Variants in RNF17 observed in about 807,000 individuals in gnomAD.
RNF17 encodes the protein spermatogenesis associated 23.
A neutral mutation model predicts 200.5 loss-of-function variants in RNF17; 31 were observed. The ratio of observed to expected loss-of-function variants is 0.15; its 90% CI spans 0.12 to 0.21. The LOEUF is 0.21. Ranked by LOEUF, RNF17 falls within the 10% of genes least tolerant of loss-of-function variation. RNF17 has a pLI of 1.00. For missense variants in RNF17, 1,628 were observed against 1,905.1 expected, an observed-to-expected ratio of 0.85 and a Z score of 2.71; for synonymous variants, 606 against 637.8, an observed-to-expected ratio of 0.95 and a Z score of 0.75.
the RNF17 span, among the ~76,000 whole-genome samples, chr13:24,749,017 G>A: frequency 6.6e-6 from 1 of 152,136 alleles, no homozygotes; most frequent in African/African-American, 2.4e-5. Flanking sequence ...GCCTCCCAAA[G>A]TGCTGGGATT....
At chr13:24,882,929 T>G, downstream of RNF17, 1 of 496,472 alleles carries the variant, frequency 2.0e-6, no homozygotes. Context: ...TGTAAAAACC[T>G]GTACACAATT....
intron 1 of RNF17, among the ~76,000 whole-genome samples, chr13:24,766,104 C>A (rs972771626): frequency 4.6e-5 from 7 of 152,194 alleles, no homozygotes; most frequent in Non-Finnish European, 7.3e-5. Context: ...CTGACGCACA[C>A]CTGTAATCTC....
At chr13:24,846,569 A>G (rs1294275634) in intron 22 of RNF17, among the ~76,000 whole-genome samples, 1 of 152,194 alleles carries the variant, frequency 6.6e-6, no homozygotes, top group Admixed American at 6.5e-5. Context: ...CAGTTATCCA[A>G]ATCACTTGGG....
intron 18 of RNF17, among the ~76,000 whole-genome samples, chr13:24,837,894 G>C (rs887942040): frequency 6.6e-6 from 1 of 152,122 alleles, no homozygotes; most frequent in South Asian, 2.1e-4. Flanking sequence ...GAAAGAAAAA[G>C]CTGGTTCTTT....
At position 24,831,453 on chromosome 13, in the gene RNF17, AC is replaced by A. The variant is rs537702926; in HGVS notation, c.2362-404del. 1.3e-3 allele frequency among the ~76,000 whole-genome samples: 199 copies of A among 152,324 alleles called. 1 individual carries two copies. Among genetic ancestry groups the A allele is most frequent in the African/African-American group, 4.5e-3 (187 of 41,574 alleles). ...CAAGACTCGGTCTCAAAGAAAAAAAACAAATGAGCAAAAGGGAGAATCACTC... is the reference window on the plus strand; with the variant it reads ...CAAGACTCGGTCTCAAAGAAAAAAAAAAATGAGCAAAAGGGAGAATCACTC... On this transcript the variant is annotated intron_variant, in intron 17 of 35. Coordinates refer to ENST00000255324, the MANE Select transcript of RNF17 (RefSeq NM_031277.3).
chr13:24,855,031 T>A (rs1342030906), intron 25 of RNF17, among the ~76,000 whole-genome samples: 2 of 152,106 alleles, frequency 1.3e-5, no homozygotes, highest in East Asian at 3.9e-4. Flanking sequence ...ACTAAACAAA[T>A]TTTTTAGGTT....
At chr13:24,794,975 T>C (rs1388385684) in intron 10 of RNF17, among the ~76,000 whole-genome samples, 1 of 152,196 alleles carries the variant, frequency 6.6e-6, no homozygotes, top group East Asian at 1.9e-4. Context: ...CTCCTTGGCC[T>C]CCCAAAGTGC....
At chr13:24,775,336 G>A (rs1881409748) in intron 3 of RNF17, among the ~76,000 whole-genome samples, 1 of 152,166 alleles carries the variant, frequency 6.6e-6, no homozygotes, top group Non-Finnish European at 1.5e-5. Flanking sequence ...TGCCGCCTCA[G>A]ACTCCTGGTC....
At chr13:24,843,158 A>G (rs1185790284) in intron 19 of RNF17, among the ~76,000 whole-genome samples, 1 of 152,164 alleles carries the variant, frequency 6.6e-6, no homozygotes. Context: ...AGGAGCTAGA[A>G]TCAGGAGCTT....
chr13:24,767,087 G>T (rs771624804), intron 1 of RNF17, among the ~76,000 whole-genome samples, 185 bp from the exon 2 acceptor site: 1 of 152,028 alleles, frequency 6.6e-6, no homozygotes, highest in African/African-American at 2.4e-5. Flanking sequence ...AAATTAGCCG[G>T]GTGTGTTGGG....
At chr13:24,882,279 T>G (rs1953885446), downstream of RNF17, 1 of 150,640 alleles carries the variant, frequency 6.6e-6, no homozygotes, top group African/African-American at 2.4e-5. Flanking sequence ...TGTACTTATA[T>G]TCTTCAAAAA....
rs764492685 is a variant in RNF17, at chr13:24,851,458, A to G, written c.3207A>G (p.Glu1069=). ...ATIILQVDSE[E]NNTTWPLPVK... is the part of the protein sequence containing the mutation. The stretch of plus-strand genomic sequence containing the variant: ...ACTCTGCTCTTAAATCACTACAGGA[A>G]AACAACACAACATGGCCATTACCTG... The change falls in exon 24 of 36, where the codon GAA becomes GAG. Residue 1069 remains glutamate, a splice_region_variant and synonymous_variant. Transcript: ENST00000255324. 2.5e-6 allele frequency: 4 copies of G among 1,607,348 alleles called. No homozygotes were observed. The highest frequency in any genetic ancestry group is 3.4e-6 in the Non-Finnish European group (4 of 1,175,332).
intron 7 of RNF17, among the ~76,000 whole-genome samples, chr13:24,788,928 GC>G (rs1238820441): frequency 1.3e-5 from 2 of 152,066 alleles, no homozygotes; most frequent in Non-Finnish European, 2.9e-5. Flanking sequence ...ACCCTACTTG[GC>G]TAGGTGTCCC....
chr13:24,881,727 C>T (rs1424601197), downstream of RNF17, among the ~76,000 whole-genome samples: 3 of 146,742 alleles, frequency 2.0e-5, no homozygotes, highest in Admixed American at 2.0e-4. Flanking sequence ...ATATATCTAT[C>T]TAGATTATCT....
chr13:24,799,373 A>C, intron 11 of RNF17, 22 bp from the exon 12 acceptor site: 1 of 1,570,766 alleles, frequency 6.4e-7, no homozygotes, highest in Non-Finnish European at 8.7e-7. Context: ...GTTTATAACG[A>C]TTTGTTTCCC....
At chr13:24,791,271 G>A (rs1837993819) in intron 9 of RNF17, among the ~76,000 whole-genome samples, 1 of 152,100 alleles carries the variant, frequency 6.6e-6, no homozygotes. Flanking sequence ...ACTGGATAGG[G>A]ACTGAGAATA....
chr13:24,844,878 A>ATTTT (rs1891072643), intron 21 of RNF17, 76 bp downstream of exon 21: 22 of 1,563,638 alleles, frequency 1.4e-5, no homozygotes, highest in Non-Finnish European at 1.8e-5. Flanking sequence ...GAGTTAAAAC[A>ATTTT]GTTTTCATTG....
At chr13:24,866,334 A>G (rs1893620487) in intron 30 of RNF17, 131 bp downstream of exon 30, 2 of 549,170 alleles carry the variant, frequency 3.6e-6, no homozygotes, top group South Asian at 2.6e-5. Context: ...TATTGAATAT[A>G]CAGTTCAGTG....
intron 6 of RNF17, among the ~76,000 whole-genome samples, chr13:24,783,293 G>C (rs748502835): frequency 6.6e-6 from 1 of 152,212 alleles, no homozygotes; most frequent in Admixed American, 6.5e-5. Context: ...TTTGACTACT[G>C]TTGTTTTGTA....
Sources: allele counts gnomAD v4.1 joint callset (sites outside exome capture counted in the v4.1 genomes callset), GRCh38; gene constraint gnomAD v4.1.1; transcripts MANE v1.5; gene names NCBI Gene and HGNC (gene_info 2026-07-23, HGNC 2026-07-21).